NCMAP: variants seen among roughly 807,000 people sequenced by gnomAD.
The protein encoded by NCMAP is noncompact myelin-associated protein.
In NCMAP, 8 loss-of-function variants were observed where a neutral mutation model predicts 7.8. The observed-to-expected ratio is 1.02, with a 90% confidence interval of 0.60 to 1.84. The LOEUF (loss-of-function observed/expected upper bound fraction) is 1.84, where lower values mean the gene tolerates loss of function less well. Ranked by LOEUF, NCMAP falls within the 40% of genes most tolerant of loss-of-function variation. NCMAP has a pLI of 0.00. For synonymous variants in NCMAP, 41 were observed against 52.9 expected (o/e 0.78, Z 0.98); for missense variants, 112 against 131.4 (o/e 0.85, Z 0.72).
intron 3 of NCMAP, among the ~76,000 whole-genome samples, chr1:24,602,094 A>G (rs1652518529): frequency 6.6e-6 from 1 of 152,058 alleles, no homozygotes; most frequent in Non-Finnish European, 1.5e-5. Context: ...ATTAATAAGG[A>G]AAGCTGTTTC....
intron 1 of NCMAP, among the ~76,000 whole-genome samples, chr1:24,590,833 G>A (rs923825975): frequency 1.3e-5 from 2 of 152,062 alleles, no homozygotes; most frequent in African/African-American, 4.8e-5. Context: ...AGATTTCCCT[G>A]TCTCTAAGTT....
At chr1:24,575,285 G>GAAA (rs1651516863) in intron 1 of NCMAP, among the ~76,000 whole-genome samples, 1 of 151,976 alleles carries the variant, frequency 6.6e-6, no homozygotes, top group Non-Finnish European at 1.5e-5. Flanking sequence ...AAAAGTTTCA[G>GAAA]TTTTTTTCCC....
chr1:24,599,082 C>G (rs932980488), intron 2 of NCMAP, among the ~76,000 whole-genome samples: 3 of 151,006 alleles, frequency 2.0e-5, no homozygotes, highest in Non-Finnish European at 4.4e-5. Context: ...CAGTTCAAGA[C>G]CAGCCTGGCC....
intron 1 of NCMAP, among the ~76,000 whole-genome samples, chr1:24,566,818 C>A (rs1651240606): frequency 6.6e-6 from 1 of 152,162 alleles, no homozygotes; most frequent in African/African-American, 2.4e-5. Flanking sequence ...ATGCTGGGTG[C>A]AAGGCCAGGC....
chr1:24,603,378 A>AG (rs148091625), intron 3 of NCMAP, among the ~76,000 whole-genome samples: 8,211 of 152,202 alleles, frequency 0.054, 756 homozygotes, highest in African/African-American at 0.19. Context: ...TTTAAAAAAA[A>AG]ATTTAGGATA....
intron 1 of NCMAP, among the ~76,000 whole-genome samples, chr1:24,594,189 G>A (rs1392798040): frequency 6.6e-6 from 1 of 152,048 alleles, no homozygotes; most frequent in Non-Finnish European, 1.5e-5. Context: ...ACCATGCCAG[G>A]CCCAGAGTGA....
intron 1 of NCMAP, among the ~76,000 whole-genome samples, chr1:24,587,675 G>T (rs1200487770): frequency 6.6e-6 from 1 of 151,954 alleles, no homozygotes; most frequent in African/African-American, 2.4e-5. Flanking sequence ...CAATATGCCC[G>T]GCTAATTTTT....
intron 2 of NCMAP, among the ~76,000 whole-genome samples, chr1:24,597,557 G>T (rs1335933384): frequency 2.9e-5 from 3 of 105,042 alleles, no homozygotes; most frequent in Non-Finnish European, 3.8e-5. Context: ...GGAGGAGAAG[G>T]GGGGGAGGTT....
At position 24,604,601 on chromosome 1, in the gene NCMAP, AAAAAATATATATATATATATATATAT is replaced by A. The variant is rs1197977698; in HGVS notation, c.168-1003_168-978del. Among the ~76,000 whole-genome samples the A allele has an allele frequency of 8.0e-4, 41 of 51,358 alleles. 2 individuals carry two copies. Among genetic ancestry groups the A allele is most frequent in the African/African-American group, 1.2e-3 (8 of 6,840 alleles). The allele number at this position is 51,358 out of a possible 152,430, so 33.7% of individuals were successfully genotyped here. ...AAAAAAAAAAAAAAAAAAAAAAAAAAAAAAATATATATATATATATATATATATATATATATATATATATATATATA... is the reference window on the plus strand; with the variant it reads ...AAAAAAAAAAAAAAAAAAAAAAAAAAATATATATATATATATATATATATA... On this transcript the variant is annotated intron_variant, in intron 3 of 3. Transcript: ENST00000374392.
intron 1 of NCMAP, among the ~76,000 whole-genome samples, chr1:24,584,991 G>A (rs4310393): frequency 0.42 from 52,434 of 124,706 alleles, 11,700 homozygotes; most frequent in East Asian, 0.6. Context: ...GTGGGTGGGG[G>A]CATGAGTGGA....
chr1:24,582,810 G>GCAA (rs1557598248), intron 1 of NCMAP, among the ~76,000 whole-genome samples: 2 of 145,432 alleles, frequency 1.4e-5, no homozygotes, highest in Admixed American at 6.7e-5. Flanking sequence ...AATAGGAAAC[G>GCAA]TATAGATCCT....
At chr1:24,577,882 C>T (rs1299462855) in intron 1 of NCMAP, among the ~76,000 whole-genome samples, 2 of 152,078 alleles carry the variant, frequency 1.3e-5, no homozygotes, top group Non-Finnish European at 2.9e-5. Context: ...AGTCGCCTCC[C>T]GGCCATGGCT....
chr1:24,594,882 C>A (rs556372881), intron 1 of NCMAP, among the ~76,000 whole-genome samples: 19 of 129,994 alleles, frequency 1.5e-4, no homozygotes, highest in African/African-American at 5.1e-4. Flanking sequence ...CAGGGCAAGA[C>A]CTTTATGTAA....
chr1:24,594,025 G>A (rs1054308788), intron 1 of NCMAP, among the ~76,000 whole-genome samples: 4 of 147,848 alleles, frequency 2.7e-5, no homozygotes, highest in African/African-American at 4.8e-5. Context: ...CCGAGTAGCC[G>A]GGATTACAGG....
rs1356260259 is a variant in NCMAP at position 24,576,754 on chromosome 1, C to T, written c.-7-18670C>T. Among the ~76,000 whole-genome samples the T allele has an allele frequency of 6.6e-6, 1 of 152,138 alleles. No homozygotes were observed. The highest frequency in any genetic ancestry group is 1.5e-5 in the Non-Finnish European group (1 of 68,032). ...AGGGTTCTTGCCCCCCATCTCAGGCCTCTCTGTTGGAGTTTTCAAGATGGC... is the reference window on the plus strand; with the variant it reads ...AGGGTTCTTGCCCCCCATCTCAGGCTTCTCTGTTGGAGTTTTCAAGATGGC... On this transcript the variant is annotated intron_variant, in intron 1 of 3. Transcript: ENST00000374392. This position sits in a 1 kb window ranked among gnomAD's most constrained non-coding sequence, Gnocchi z 4.0.
At chr1:24,567,587 T>G (rs1651264056) in intron 1 of NCMAP, among the ~76,000 whole-genome samples, 1 of 152,164 alleles carries the variant, frequency 6.6e-6, no homozygotes, top group Admixed American at 6.5e-5. Context: ...TCATCTCCTT[T>G]GAGTGTAACA....
chr1:24,558,100 C>T (rs1300680261), intron 1 of NCMAP, among the ~76,000 whole-genome samples: 5 of 152,140 alleles, frequency 3.3e-5, no homozygotes, highest in Non-Finnish European at 5.9e-5. Context: ...GGGTTGACCA[C>T]GAATATGTGA....
At position 24,599,703 on chromosome 1, in the gene NCMAP, G is replaced by C. The variant is rs376767314; in HGVS notation, c.83-1237G>C. On this transcript the variant is annotated intron_variant, in intron 2 of 3. Transcript: ENST00000374392. ...AGCAATTCTCCTGCCTCAGCCTCCT[G>C]AGTAGCTGGGATTACAGGCACATGC... Among the ~76,000 whole-genome samples the C allele has an allele frequency of 2.6e-3, 393 of 151,628 alleles. 1 individual carries two copies. The highest frequency in any genetic ancestry group is 6.8e-3 in the Middle Eastern group (2 of 292).
Position 24,608,126 on chromosome 1 carries a change from T to A in NCMAP, c.*2379T>A, listed in dbSNP as rs536889834. 1 of 152,326 alleles carries A rather than the reference T, an allele frequency of 6.6e-6. No homozygotes were observed. The highest frequency in any genetic ancestry group is 1.5e-5 in the Non-Finnish European group (1 of 68,024). The allele number at this position is 152,326 out of a possible 1,614,324, so 9.4% of individuals were successfully genotyped here. The stretch of plus-strand genomic sequence containing the variant: ...TTCCCAAAAACCTGGGGAGGAATTA[T>A]TTTTTCCAAAACAGATGATAATTTC... On this transcript the variant is annotated 3_prime_UTR_variant, in exon 4 of 4. Coordinates refer to ENST00000374392, the MANE Select transcript of NCMAP (RefSeq NM_001010980.5).
Sources: allele counts gnomAD v4.1 joint callset (sites outside exome capture counted in the v4.1 genomes callset), GRCh38; gene constraint gnomAD v4.1.1; non-coding constraint Gnocchi (gnomAD v3.1); transcripts MANE v1.5; gene names NCBI Gene and HGNC (gene_info 2026-07-23, HGNC 2026-07-21).